RBFOX1: variants seen among roughly 807,000 people sequenced by gnomAD.
RBFOX1 encodes RNA binding fox-1 homolog 1.
A neutral mutation model predicts 57.7 loss-of-function variants in RBFOX1; 8 were observed. The observed-to-expected ratio is 0.14, with a 90% CI of 0.08 to 0.25. RBFOX1 has a LOEUF of 0.25. Ranked by LOEUF, RBFOX1 falls within the 10% of genes least tolerant of loss-of-function variation. The pLI, the probability that RBFOX1 is intolerant of heterozygous loss-of-function variation, is 1.00. For missense variants in RBFOX1, 611 were observed against 548.5 expected (o/e 1.11, Z -1.14); for synonymous variants, 326 against 222.4 (o/e 1.47, Z -4.15).
intron 2 of RBFOX1, among the ~76,000 whole-genome samples, chr16:6,510,236 C>T (rs1034319701): frequency 6.6e-5 from 10 of 152,150 alleles, no homozygotes; most frequent in Admixed American, 5.9e-4. Flanking sequence ...TGGCATTGAA[C>T]AGCCACACCG....
chr16:5,822,152 A>G (rs2151806339), intron 3 of RBFOX1, among the ~76,000 whole-genome samples: 1 of 152,386 alleles, frequency 6.6e-6, no homozygotes, highest in South Asian at 2.1e-4. Context: ...ATGAAATTAG[A>G]GACTATTATT....
At chr16:5,505,647 T>C (rs976443157) in intron 2 of RBFOX1, among the ~76,000 whole-genome samples, 3 of 152,194 alleles carry the variant, frequency 2.0e-5, no homozygotes, top group East Asian at 1.9e-4. Context: ...CTGTGTCTTA[T>C]CACATACAGA....
chr16:7,307,536 G>T (rs1381643375), intron 4 of RBFOX1, among the ~76,000 whole-genome samples: 1 of 152,156 alleles, frequency 6.6e-6, no homozygotes, highest in Non-Finnish European at 1.5e-5. Flanking sequence ...TTATTTGTAT[G>T]TCCCAATAAC....
At chr16:6,516,667 G>A (rs963908455) in intron 2 of RBFOX1, among the ~76,000 whole-genome samples, 2 of 152,180 alleles carry the variant, frequency 1.3e-5, no homozygotes, top group African/African-American at 4.8e-5. Flanking sequence ...TGATTGTCAA[G>A]ATTTCAGTAA....
intron 4 of RBFOX1, among the ~76,000 whole-genome samples, chr16:7,363,101 G>T (rs866421798): frequency 2.0e-5 from 3 of 152,146 alleles, no homozygotes; most frequent in African/African-American, 7.2e-5. Flanking sequence ...GATGGTGGTG[G>T]ATACTGCTGC....
intron 4 of RBFOX1, among the ~76,000 whole-genome samples, chr16:7,101,101 A>T (rs1469474083): frequency 6.6e-6 from 1 of 152,202 alleles, no homozygotes; most frequent in East Asian, 1.9e-4. Flanking sequence ...TAGTATTCTC[A>T]TGCTATGGTA....
intron 3 of RBFOX1, among the ~76,000 whole-genome samples, chr16:5,754,403 C>G (rs897783735): frequency 6.6e-6 from 1 of 151,838 alleles, no homozygotes; most frequent in African/African-American, 2.4e-5. Flanking sequence ...GGGTGGGTTG[C>G]CCCTACACAC....
intron 3 of RBFOX1, among the ~76,000 whole-genome samples, chr16:5,718,163 C>A (rs1034835490): frequency 6.6e-6 from 1 of 152,206 alleles, no homozygotes; most frequent in Non-Finnish European, 1.5e-5. Flanking sequence ...TTGTCATGAT[C>A]CTCTTGAATA....
intron 3 of RBFOX1, among the ~76,000 whole-genome samples, chr16:5,711,453 T>C (rs2051484379): frequency 6.6e-6 from 1 of 152,222 alleles, no homozygotes; most frequent in South Asian, 2.1e-4. Context: ...GGAGAACTTT[T>C]TCTCTGTCTG....
At chr16:7,071,089 A>G (rs2057240868) in intron 4 of RBFOX1, among the ~76,000 whole-genome samples, 1 of 152,178 alleles carries the variant, frequency 6.6e-6, no homozygotes, top group Non-Finnish European at 1.5e-5. Context: ...CTGAGAAAGG[A>G]GGGTCCCATC....
chr16:6,338,585 GA>G (rs2084090178), intron 2 of RBFOX1, among the ~76,000 whole-genome samples: 1 of 152,210 alleles, frequency 6.6e-6, no homozygotes, highest in Non-Finnish European at 1.5e-5. Flanking sequence ...GTCACTGGAT[GA>G]AATCTAAGTT....
At chr16:5,385,351 A>G (rs539097989) in intron 1 of RBFOX1, among the ~76,000 whole-genome samples, 16 of 152,296 alleles carry the variant, frequency 1.1e-4, no homozygotes, top group Non-Finnish European at 2.1e-4. Flanking sequence ...TGTAATGTCC[A>G]TTGTCCAGGC....
At chr16:7,375,964 C>T (rs925806967) in intron 4 of RBFOX1, among the ~76,000 whole-genome samples, 1 of 152,158 alleles carries the variant, frequency 6.6e-6, no homozygotes, top group Non-Finnish European at 1.5e-5. Context: ...AGAACTAGAG[C>T]CATTGGTAGG....
At chr16:5,393,360 C>T (rs2066466063) in intron 1 of RBFOX1, among the ~76,000 whole-genome samples, 1 of 152,188 alleles carries the variant, frequency 6.6e-6, no homozygotes, top group African/African-American at 2.4e-5. Flanking sequence ...TGTCCGTGTC[C>T]AGGCAGCCCT....
rs556975721 is a variant in RBFOX1 at position 6,772,936 on chromosome 16, G to C, written c.-16+118286G>C. Among the ~76,000 whole-genome samples the C allele has an allele frequency of 3.4e-5, 5 of 148,404 alleles. 1 individual carries two copies. In the South Asian group the frequency reaches 1.1e-3, roughly 32 times the overall value. ...GTGGGCTTGGAGTACATTTGTGTGT[G>C]TGTGTGTATCTATATATTTGGGTGT... On this transcript the variant is annotated intron_variant, in intron 3 of 15. Transcript: ENST00000550418.
intron 1 of RBFOX1, among the ~76,000 whole-genome samples, chr16:6,160,950 C>T (rs1404693798): frequency 6.6e-6 from 1 of 152,168 alleles, no homozygotes; most frequent in Non-Finnish European, 1.5e-5. Flanking sequence ...AACATTCGCC[C>T]CTTGTTCATT....
intron 4 of RBFOX1, among the ~76,000 whole-genome samples, chr16:7,412,722 A>G (rs890980182): frequency 3.3e-5 from 5 of 152,164 alleles, no homozygotes; most frequent in Non-Finnish European, 7.3e-5. Flanking sequence ...GGCTTTTTTA[A>G]ATTCAGATTT....
At chr16:7,244,578 A>T (rs2094211810) in intron 4 of RBFOX1, among the ~76,000 whole-genome samples, 1 of 152,208 alleles carries the variant, frequency 6.6e-6, no homozygotes, top group African/African-American at 2.4e-5. Context: ...GAGAAAGGGA[A>T]CTTTAATTAG....
At chr16:7,189,558 C>G (rs1264192652) in intron 4 of RBFOX1, among the ~76,000 whole-genome samples, 2 of 130,022 alleles carry the variant, frequency 1.5e-5, no homozygotes, top group Non-Finnish European at 3.3e-5. Context: ...CCCCAAAACA[C>G]ACACACACAC....
Sources: allele counts gnomAD v4.1 joint callset (sites outside exome capture counted in the v4.1 genomes callset), GRCh38; gene constraint gnomAD v4.1.1; transcripts MANE v1.5; gene names NCBI Gene and HGNC (gene_info 2026-07-23, HGNC 2026-07-21).